ZNF423: variants seen among roughly 807,000 people sequenced by gnomAD.
ZNF423 encodes zinc finger protein 423.
Under a neutral mutation model 95.8 loss-of-function variants are expected in ZNF423, and 12 were observed. The observed-to-expected ratio is 0.13, with a 90% CI of 0.08 to 0.20. ZNF423 has a LOEUF of 0.20. Among genes scored for constraint, ZNF423 ranks in the 10% least tolerant of loss-of-function variants. The pLI, the probability that ZNF423 is intolerant of heterozygous loss-of-function variation, is 1.00. For synonymous variants in ZNF423, 749 were observed against 711.9 expected (o/e 1.05, Z -0.83); for missense variants, 1,316 against 1,737.1 (o/e 0.76, Z 4.31).
At chr16:49,593,222 C>T (rs1971071179) in intron 5 of ZNF423, among the ~76,000 whole-genome samples, 1 of 152,022 alleles carries the variant, frequency 6.6e-6, no homozygotes, top group Non-Finnish European at 1.5e-5. Flanking sequence ...CACAAGAAGC[C>T]AAGAGTTCAA....
At chr16:49,597,024 T>TAAG (rs1187531590) in intron 5 of ZNF423, among the ~76,000 whole-genome samples, 1 of 152,174 alleles carries the variant, frequency 6.6e-6, no homozygotes, top group Non-Finnish European at 1.5e-5. Context: ...TCCAACCACC[T>TAAG]AAGAGCTCTC....
At chr16:49,740,441 TG>T (rs748129430) in intron 2 of ZNF423, among the ~76,000 whole-genome samples, 1 of 152,258 alleles carries the variant, frequency 6.6e-6, no homozygotes, top group East Asian at 1.9e-4. Flanking sequence ...CATCCATTGC[TG>T]GCCCCAAATT....
In ZNF423 at chr16:49,490,727, C is replaced by T. The variant is rs1023264178; in HGVS notation, c.*548G>A. On this transcript the variant is annotated 3_prime_UTR_variant, in exon 8 of 8. Coordinates refer to ENST00000563137, the MANE Select transcript of ZNF423 (RefSeq NM_001379286.1). The stretch of plus-strand genomic sequence containing the variant: ...TATATTCATTACATAGTTTTAATCA[C>T]TGTCCGGTGAACTGGCAAATCCAAT... 1 of 156,774 alleles carries T rather than the reference C, an allele frequency of 6.4e-6. No individual in the cohort carries two copies. Among genetic ancestry groups the T allele is most frequent in the Middle Eastern group, 3.4e-3 (1 of 294 alleles). 9.7% of individuals were successfully genotyped at this position (156,774 alleles called of 1,614,324 possible). A position where few individuals can be genotyped will look rare whatever the true frequency, so the allele number is the denominator to read the frequency against.
intron 1 of ZNF423, among the ~76,000 whole-genome samples, chr16:49,815,882 ATATATATAT>A (rs1223774609): frequency 1.1e-3 from 46 of 40,966 alleles, no homozygotes; most frequent in Admixed American, 3.3e-3. Context: ...AAAAAAAAAA[ATATATATAT>A]ATATATATAT....
intron 1 of ZNF423, among the ~76,000 whole-genome samples, chr16:49,821,310 A>G (rs537842135): frequency 6.6e-6 from 1 of 152,154 alleles, no homozygotes; most frequent in Non-Finnish European, 1.5e-5. Flanking sequence ...ATAGCCTGCC[A>G]AATGTCATCT....
Position 49,626,266 on chromosome 16 carries a change from C to G in ZNF423, c.3517-12G>C, listed in dbSNP as rs1228647642. On this transcript the variant is annotated splice_polypyrimidine_tract_variant and intron_variant, in intron 4 of 7. Transcript: ENST00000563137. ...TGGTATGTCTTTTTCTGTTTGGAAA[C>G]CAAAAATAAAAGATTTAGAGAGGCA... 3.7e-6 allele frequency: 6 copies of G among 1,612,908 alleles called. No homozygotes were observed. In the East Asian group the frequency reaches 1.1e-4, roughly 30 times the overall value.
intron 2 of ZNF423, among the ~76,000 whole-genome samples, chr16:49,753,497 G>A (rs1016493637): frequency 1.3e-5 from 2 of 151,382 alleles, no homozygotes; most frequent in Non-Finnish European, 2.9e-5. Flanking sequence ...CAGCTACTTG[G>A]AAGGCTAAAG....
At chr16:49,839,698 C>A (rs1016137995) in intron 1 of ZNF423, among the ~76,000 whole-genome samples, 1 of 152,206 alleles carries the variant, frequency 6.6e-6, no homozygotes, top group Admixed American at 6.5e-5. Flanking sequence ...GAGCCGGGCC[C>A]CACCCAGCCT....
intron 1 of ZNF423, chr16:49,847,054 C>T (rs1382619265): frequency 1.3e-5 from 2 of 152,190 alleles, no homozygotes; most frequent in Non-Finnish European, 2.9e-5. Flanking sequence ...TTAGGATCAA[C>T]AGAAGAGATA....
rs1966910733 is a variant in ZNF423 at position 49,490,348 on chromosome 16, C to T, written c.*927G>A. ...ACGTTACCCTTGGGCCTCTGTTTCC[C>T]CATCCAAGAGTGGGAAGATCAGGGT... On this transcript the variant is annotated 3_prime_UTR_variant, in exon 8 of 8. Transcript: ENST00000563137. 6.6e-6 allele frequency: 1 copy of T among 152,280 alleles called. No individual in the cohort carries two copies. The highest frequency in any genetic ancestry group is 1.5e-5 in the Non-Finnish European group (1 of 68,068). 9.4% of individuals were successfully genotyped at this position (152,280 alleles called of 1,614,324 possible).
intron 7 of ZNF423, among the ~76,000 whole-genome samples, chr16:49,518,935 G>C (rs1247746545): frequency 6.6e-6 from 1 of 152,168 alleles, no homozygotes; most frequent in Non-Finnish European, 1.5e-5. Flanking sequence ...GTGGTGGTGT[G>C]CACCTATAGT....
intron 1 of ZNF423, chr16:49,826,811 C>T (rs913032989): frequency 1.3e-5 from 2 of 152,200 alleles, no homozygotes; most frequent in African/African-American, 4.8e-5. Context: ...CGCAACAAAA[C>T]CTCCTTAATC....
chr16:49,640,432 A>T (rs372238141), intron 3 of ZNF423, among the ~76,000 whole-genome samples: 2 of 152,042 alleles, frequency 1.3e-5, no homozygotes, highest in African/African-American at 2.4e-5. Flanking sequence ...ACACACACAC[A>T]CATCACAGAC....
chr16:49,567,542 C>T (rs1384734674), intron 5 of ZNF423, among the ~76,000 whole-genome samples: 1 of 152,038 alleles, frequency 6.6e-6, no homozygotes, highest in East Asian at 1.9e-4. Flanking sequence ...GCCGTTCATG[C>T]TGGCCAACCA....
At chr16:49,510,215 A>G (rs1387775654) in intron 7 of ZNF423, among the ~76,000 whole-genome samples, 6 of 152,176 alleles carry the variant, frequency 3.9e-5, no homozygotes, top group Non-Finnish European at 5.9e-5. Context: ...ATCTACAAGC[A>G]TGATGCTGCA....
At chr16:49,827,562 C>A (rs1363048141) in intron 1 of ZNF423, among the ~76,000 whole-genome samples, 1 of 151,966 alleles carries the variant, frequency 6.6e-6, no homozygotes, top group African/African-American at 2.4e-5. Context: ...ATCTCCCAGG[C>A]TGGAGTGTAG....
chr16:49,548,780 G>A (rs569123687), intron 5 of ZNF423, among the ~76,000 whole-genome samples: 10 of 152,266 alleles, frequency 6.6e-5, no homozygotes, highest in Middle Eastern at 3.4e-3. Flanking sequence ...TCCCAAGAGC[G>A]CTGGGTCCAT....
intron 3 of ZNF423, among the ~76,000 whole-genome samples, chr16:49,708,527 T>C (rs565868308): frequency 6.6e-6 from 1 of 152,214 alleles, no homozygotes; most frequent in Admixed American, 6.5e-5. Flanking sequence ...TAACCTCAAG[T>C]GATCTGCCCG....
At chr16:49,739,321 G>A (rs2033362363) in intron 2 of ZNF423, among the ~76,000 whole-genome samples, 2 of 152,192 alleles carry the variant, frequency 1.3e-5, no homozygotes, top group Admixed American at 1.3e-4. Flanking sequence ...AAAGCTGGAG[G>A]CGTCAAACCC....
Sources: allele counts gnomAD v4.1 joint callset (sites outside exome capture counted in the v4.1 genomes callset), GRCh38; gene constraint gnomAD v4.1.1; transcripts MANE v1.5; gene names NCBI Gene and HGNC (gene_info 2026-07-23, HGNC 2026-07-21).